Variants in ITGB5 observed in about 807,000 individuals in gnomAD.
ITGB5 encodes the protein integrin beta-5.
ITGB5 carries 38 observed loss-of-function variants against 84.8 expected under a neutral mutation model. That is an observed-to-expected ratio of 0.45 (90% CI 0.35 to 0.59). The LOEUF (loss-of-function observed/expected upper bound fraction) is 0.59. ITGB5 is among the 20% of genes least tolerant of loss of function. The probability of loss-of-function intolerance (pLI) is 0.01; values close to 1 mark genes in which losing one functional copy is unlikely to be tolerated. For synonymous variants in ITGB5, 393 were observed against 414.4 expected, an observed-to-expected ratio of 0.95 and a Z score of 0.63; for missense variants, 905 against 1,034.5, an observed-to-expected ratio of 0.87 and a Z score of 1.72.
chr3:124,846,032 G>A (rs1443469622), intron 4 of ITGB5, among the ~76,000 whole-genome samples: 3 of 152,178 alleles, frequency 2.0e-5, no homozygotes, highest in African/African-American at 7.2e-5. Context: ...GTGCCTCTTC[G>A]TGGTTAAAGA....
At chr3:124,824,519 G>T (rs1396885537) in intron 5 of ITGB5, among the ~76,000 whole-genome samples, 1 of 139,788 alleles carries the variant, frequency 7.2e-6, no homozygotes, top group East Asian at 2.2e-4. Flanking sequence ...AAAAGTTGAT[G>T]AACTGGGCTT....
At chr3:124,854,957 G>A (rs1444618932) in intron 3 of ITGB5, among the ~76,000 whole-genome samples, 1 of 152,050 alleles carries the variant, frequency 6.6e-6, no homozygotes, top group African/African-American at 2.4e-5. Context: ...TTCACTCAAC[G>A]AATAACTATT....
chr3:124,775,050 C>T (rs2063904124), intron 10 of ITGB5, among the ~76,000 whole-genome samples: 1 of 152,240 alleles, frequency 6.6e-6, no homozygotes, highest in South Asian at 2.1e-4. Context: ...CCTATGAGCA[C>T]AGGCAGCCAG....
At chr3:124,899,624 G>T (rs1935179322) in intron 1 of ITGB5, among the ~76,000 whole-genome samples, 1 of 152,116 alleles carries the variant, frequency 6.6e-6, no homozygotes, top group Non-Finnish European at 1.5e-5. Flanking sequence ...GGAGGCCAAG[G>T]TGGGAGGATC....
At chr3:124,837,874 C>T (rs930188992) in intron 5 of ITGB5, among the ~76,000 whole-genome samples, 1 of 152,206 alleles carries the variant, frequency 6.6e-6, no homozygotes, top group Non-Finnish European at 1.5e-5. Flanking sequence ...GAGCGTGCAG[C>T]GCTGCCGGGG....
At chr3:124,805,505 A>C (rs2107531165) in intron 9 of ITGB5, among the ~76,000 whole-genome samples, 1 of 151,994 alleles carries the variant, frequency 6.6e-6, no homozygotes, top group South Asian at 2.1e-4. Flanking sequence ...ATGCTAGAAT[A>C]CAGTGGTGTG....
intron 1 of ITGB5, among the ~76,000 whole-genome samples, chr3:124,884,135 T>TTGG: frequency 1.3e-5 from 2 of 151,230 alleles, no homozygotes; most frequent in Non-Finnish European, 2.9e-5. Flanking sequence ...CAAATAATGT[T>TTGG]CCTAGTGGCA....
chr3:124,892,512 A>G (rs1251036657), upstream of ITGB5, among the ~76,000 whole-genome samples: 1 of 145,982 alleles, frequency 6.9e-6, no homozygotes, highest in Non-Finnish European at 1.5e-5. Context: ...CAACATGGTG[A>G]AATCCCATCT....
intron 1 of ITGB5, among the ~76,000 whole-genome samples, chr3:124,883,993 A>G (rs1934691441): frequency 6.6e-6 from 1 of 152,128 alleles, no homozygotes; most frequent in Non-Finnish European, 1.5e-5. Context: ...CCTGCTGGAA[A>G]TCCGTACTGA....
intron 11 of ITGB5, among the ~76,000 whole-genome samples, chr3:124,773,024 G>A (rs1249074570): frequency 6.7e-6 from 1 of 149,564 alleles, no homozygotes; most frequent in Non-Finnish European, 1.5e-5. Flanking sequence ...TCCTGCCTCA[G>A]CCTCCGGAGC....
intron 2 of ITGB5, among the ~76,000 whole-genome samples, chr3:124,872,309 T>C (rs115982478): frequency 2.3e-3 from 343 of 152,320 alleles, no homozygotes; most frequent in South Asian, 9.3e-3. Context: ...GGCACACTTG[T>C]GTGACCTTGA....
chr3:124,824,259 G>C (rs2064751039), intron 5 of ITGB5, among the ~76,000 whole-genome samples: 1 of 151,710 alleles, frequency 6.6e-6, no homozygotes, highest in African/African-American at 2.4e-5. Flanking sequence ...CAGTGGACTG[G>C]GATAGATAGA....
chr3:124,775,576 A>ATTAT (rs2063915180), intron 10 of ITGB5, among the ~76,000 whole-genome samples: 1 of 152,146 alleles, frequency 6.6e-6, no homozygotes, highest in East Asian at 1.9e-4. Flanking sequence ...TCAACTTTGT[A>ATTAT]TTATTTTTTT....
rs2063717739 is a variant in ITGB5, at chr3:124,763,207, A to G, written c.*416T>C. ...CTTTTTATTTCATATAAAAATGATC[A>G]ATGTGAAAAAAGCCAAACTGTATGC... On this transcript the variant is annotated 3_prime_UTR_variant, in exon 15 of 15. Coordinates refer to ENST00000296181, the MANE Select transcript of ITGB5 (RefSeq NM_002213.5). The G allele has an allele frequency of 6.0e-6, 1 of 165,336 alleles. No homozygotes were observed. The highest frequency in any genetic ancestry group is 1.3e-5 in the Non-Finnish European group (1 of 75,648). The allele number at this position is 165,336 out of a possible 1,614,324, so 10.2% of individuals were successfully genotyped here.
At chr3:124,895,413 C>T (rs1218510240) in intron 1 of ITGB5, among the ~76,000 whole-genome samples, 1 of 152,130 alleles carries the variant, frequency 6.6e-6, no homozygotes, top group African/African-American at 2.4e-5. Flanking sequence ...TTTGTAGAGA[C>T]AGGGGTCCCC....
rs2676 is a variant in ITGB5 at position 124,763,140 on chromosome 3, A to G, written c.*483T>C. 0.19 allele frequency: 28,906 copies of G among 154,694 alleles called. 2,896 individuals carry two copies. The highest frequency in any genetic ancestry group is 0.26 in the Admixed American group (4,083 of 15,838). 9.6% of individuals were successfully genotyped at this position (154,694 alleles called of 1,614,324 possible). A position where few individuals can be genotyped will look rare whatever the true frequency, so the allele number is the denominator to read the frequency against. The stretch of plus-strand genomic sequence containing the variant: ...TGTGTGCAAGGCATAGCCATCACGC[A>G]GAAAAGTCTCAGGACTCAGAACTAC... On this transcript the variant is annotated 3_prime_UTR_variant, in exon 15 of 15. Coordinates refer to ENST00000296181, the MANE Select transcript of ITGB5 (RefSeq NM_002213.5).
chr3:124,835,096 T>C (rs1365400344), intron 5 of ITGB5, among the ~76,000 whole-genome samples: 2 of 152,176 alleles, frequency 1.3e-5, no homozygotes, highest in Non-Finnish European at 2.9e-5. Flanking sequence ...AGACACCTCC[T>C]AAGCACAGGT....
chr3:124,891,788 G>T (rs1935006695), upstream of ITGB5, among the ~76,000 whole-genome samples: 1 of 151,908 alleles, frequency 6.6e-6, no homozygotes, highest in South Asian at 2.1e-4. Flanking sequence ...GCTGGGTGTG[G>T]TGGCATGCCT....
Position 124,773,863 on chromosome 3 carries a change from G to C in ITGB5, c.1743C>G (p.Ile581Met). 6.2e-7 allele frequency: 1 copy of C among 1,614,162 alleles called. No homozygotes were observed. Among genetic ancestry groups the C allele is most frequent in the Non-Finnish European group, 8.5e-7 (1 of 1,180,026 alleles). Residue 581 changes from isoleucine (I) to methionine (M), a missense_variant, in exon 11 of 15, where the codon ATC becomes ATG. Physicochemically the swap from Ile to Met is conservative, Grantham distance 10. Coordinates refer to ENST00000296181, the MANE Select transcript of ITGB5 (RefSeq NM_002213.5). ...CTGTCGAGCAGTTACAGTTGTCCCC[G>C]ATGTAACCTGCATGGCACTTGCATT... ...CGECKCHAGY[I>M]GDNCNCSTDI...
Sources: gnomAD v4.1 joint callset for allele counts (sites outside exome capture counted in the v4.1 genomes callset) on GRCh38, gnomAD v4.1.1 for gene constraint, MANE v1.5 for transcripts, NCBI Gene and HGNC (gene_info 2026-07-23, HGNC 2026-07-21) for gene names.